The following RNF38 variants were observed in gnomAD, a reference collection of about 807,000 sequenced individuals.
RNF38 encodes the protein ring finger protein 38.
In RNF38, 15 loss-of-function variants were observed where a neutral mutation model predicts 67.2. That is an observed-to-expected ratio of 0.22 (90% CI 0.15 to 0.34). The LOEUF is 0.34. Ranked by LOEUF, RNF38 falls within the 10% of genes least tolerant of loss-of-function variation. The pLI is 1.00. For synonymous variants in RNF38, 220 were observed against 218.8 expected (o/e 1.01, Z -0.05); for missense variants, 524 against 639.9 (o/e 0.82, Z 1.95).
At chr9:36,360,820 AT>A (rs1296659501) in intron 4 of RNF38, among the ~76,000 whole-genome samples, 3 of 151,984 alleles carry the variant, frequency 2.0e-5, no homozygotes, top group African/African-American at 4.8e-5. Context: ...CTGCACACAC[AT>A]TTTTTTTGAG....
intron 1 of RNF38, among the ~76,000 whole-genome samples, chr9:36,455,416 A>G (rs1839564310): frequency 6.6e-6 from 1 of 152,174 alleles, no homozygotes; most frequent in African/African-American, 2.4e-5. Context: ...TTTCTTTAAT[A>G]GTAAGCACAA....
intron 1 of RNF38, among the ~76,000 whole-genome samples, chr9:36,450,564 T>C (rs749912975): frequency 6.6e-6 from 1 of 152,154 alleles, no homozygotes; most frequent in Non-Finnish European, 1.5e-5. Flanking sequence ...AAGCTCAAAA[T>C]ATAGAACTTG....
chr9:36,371,649 A>G (rs1835385357), intron 3 of RNF38, among the ~76,000 whole-genome samples: 1 of 151,744 alleles, frequency 6.6e-6, no homozygotes, highest in South Asian at 2.1e-4. Flanking sequence ...ACAGAGTTTC[A>G]CCATGTTGGC....
At chr9:36,399,731 T>C (rs1027045880) in intron 1 of RNF38, among the ~76,000 whole-genome samples, 3 of 152,210 alleles carry the variant, frequency 2.0e-5, no homozygotes, top group Non-Finnish European at 2.9e-5. Flanking sequence ...TCCCTGAAGA[T>C]AGGAACAATT....
chr9:36,456,887 G>C (rs1839608025), intron 1 of RNF38, among the ~76,000 whole-genome samples: 2 of 152,062 alleles, frequency 1.3e-5, no homozygotes, highest in Admixed American at 1.3e-4. Context: ...ACAAGTGTAG[G>C]AGTTCAACCT....
intron 1 of RNF38, among the ~76,000 whole-genome samples, chr9:36,458,286 C>T (rs1289702341): frequency 6.6e-6 from 1 of 152,118 alleles, no homozygotes; most frequent in Non-Finnish European, 1.5e-5. Flanking sequence ...TAAAATGGAC[C>T]AGTCAGTGCT....
chr9:36,381,340 A>T (rs1018149465), intron 2 of RNF38, among the ~76,000 whole-genome samples: 1 of 152,222 alleles, frequency 6.6e-6, no homozygotes, highest in South Asian at 2.1e-4. Context: ...CAGAGAAACT[A>T]GAAAAATTGA....
intron 6 of RNF38, among the ~76,000 whole-genome samples, chr9:36,353,930 TG>T (rs1284702302): frequency 6.6e-6 from 1 of 152,156 alleles, no homozygotes; most frequent in Non-Finnish European, 1.5e-5. Context: ...ACTTCAAAAG[TG>T]TGTAGTTAAC....
chr9:36,445,650 G>A (rs139336166), intron 1 of RNF38, among the ~76,000 whole-genome samples: 13 of 152,322 alleles, frequency 8.5e-5, no homozygotes, highest in Non-Finnish European at 7.3e-5. Context: ...GGATGGTGAA[G>A]GGTAGAGAGA....
chr9:36,465,581 G>A (rs1199144178), intron 1 of RNF38, among the ~76,000 whole-genome samples: 2 of 152,056 alleles, frequency 1.3e-5, no homozygotes, highest in Non-Finnish European at 2.9e-5. Context: ...CTGACCTCAG[G>A]TGATCCGCCT....
intron 2 of RNF38, among the ~76,000 whole-genome samples, chr9:36,411,520 T>A (rs1474626734): frequency 6.6e-6 from 1 of 152,318 alleles, no homozygotes; most frequent in Admixed American, 6.5e-5. Context: ...CAACCCCAAG[T>A]ATTTATCAAT....
At chr9:36,438,688 T>A (rs528360419) in intron 1 of RNF38, among the ~76,000 whole-genome samples, 1 of 152,140 alleles carries the variant, frequency 6.6e-6, no homozygotes, top group South Asian at 2.1e-4. Context: ...GGCATTTACT[T>A]ATACAAAGCT....
At chr9:36,355,563 A>G (rs559025343) in intron 6 of RNF38, among the ~76,000 whole-genome samples, 1 of 152,334 alleles carries the variant, frequency 6.6e-6, no homozygotes, top group African/African-American at 2.4e-5. Flanking sequence ...CCTTGCCTAA[A>G]TGAATACAAA....
intron 1 of RNF38, among the ~76,000 whole-genome samples, chr9:36,441,412 C>T (rs563639935): frequency 2.6e-4 from 39 of 151,896 alleles, no homozygotes; most frequent in African/African-American, 6.8e-4. Flanking sequence ...CTGCAACCTC[C>T]GCCTCCTGGG....
At chr9:36,401,284 C>T (rs1437623339), upstream of RNF38, 1 of 959,122 alleles carries the variant, frequency 1.0e-6, no homozygotes, top group Non-Finnish European at 1.2e-6. Context: ...CGCGCAGCAC[C>T]ACTGCGCAGC....
chr9:36,372,482 A>C (rs1162251399), intron 3 of RNF38: 17 of 688,300 alleles, frequency 2.5e-5, no homozygotes, highest in Middle Eastern at 4.8e-4. Context: ...TCAAATACCT[A>C]GCTTTGTGCT....
intron 1 of RNF38, among the ~76,000 whole-genome samples, chr9:36,475,538 T>C (rs1363008746): frequency 1.3e-5 from 2 of 151,624 alleles, no homozygotes; most frequent in East Asian, 4.0e-4. Flanking sequence ...TTTGTATTTT[T>C]AGTAGAGGCA....
At chr9:36,397,572 T>C (rs1837635216) in intron 1 of RNF38, among the ~76,000 whole-genome samples, 2 of 152,096 alleles carry the variant, frequency 1.3e-5, no homozygotes, top group African/African-American at 4.8e-5. Flanking sequence ...ACAGGACCCA[T>C]CTCTTTCTGA....
chr9:36,484,744 A>T (rs976971632), intron 1 of RNF38, among the ~76,000 whole-genome samples: 11 of 152,230 alleles, frequency 7.2e-5, no homozygotes, highest in African/African-American at 2.4e-4. Context: ...ACACACGTGA[A>T]ACGATTCTGT....
Sources: gnomAD v4.1 joint callset for allele counts (sites outside exome capture counted in the v4.1 genomes callset) on GRCh38, gnomAD v4.1.1 for gene constraint, MANE v1.5 for transcripts, NCBI Gene and HGNC (gene_info 2026-07-23, HGNC 2026-07-21) for gene names.